CHRM5: variants seen among roughly 807,000 people sequenced by gnomAD.
The protein encoded by CHRM5 is cholinergic receptor muscarinic 5, also known as muscarinic acetylcholine receptor M5.
Under a neutral mutation model 39.0 loss-of-function variants are expected in CHRM5, and 18 were observed. The ratio of observed to expected loss-of-function variants is 0.46; its 90% CI spans 0.32 to 0.68. The LOEUF (loss-of-function observed/expected upper bound fraction) is 0.68, where lower values mean the gene tolerates loss of function less well. Among genes scored for constraint, CHRM5 ranks in the 30% least tolerant of loss-of-function variants. The pLI, the probability that CHRM5 is intolerant of heterozygous loss-of-function variation, is 0.04. For synonymous variants in CHRM5, 241 were observed against 246.3 expected, an observed-to-expected ratio of 0.98 and a Z score of 0.20; for missense variants, 515 against 651.1, an observed-to-expected ratio of 0.79 and a Z score of 2.28.
intron 1 of CHRM5, among the ~76,000 whole-genome samples, chr15:33,978,402 G>C (rs1462386229): frequency 6.6e-6 from 1 of 152,168 alleles, no homozygotes; most frequent in African/African-American, 2.4e-5. Context: ...GATGGCTCAC[G>C]CCTGTAATCC....
chr15:33,989,593 T>C (rs1896630868), intron 1 of CHRM5, among the ~76,000 whole-genome samples: 1 of 152,110 alleles, frequency 6.6e-6, no homozygotes. Context: ...CCTACCACAA[T>C]ACTAACACTA....
At chr15:34,008,952 G>A (rs11631888) in intron 1 of CHRM5, among the ~76,000 whole-genome samples, 13,202 of 95,432 alleles carry the variant, frequency 0.14, 665 homozygotes, top group South Asian at 0.27. Context: ...ACGTGCGCGC[G>A]CGCACACACA....
Position 34,053,891 on chromosome 15 carries a change from A to G in CHRM5, c.-76+7020A>G, listed in dbSNP as rs531055016. 1.3e-3 allele frequency among the ~76,000 whole-genome samples: 197 copies of G among 152,306 alleles called. 1 individual carries two copies. Among genetic ancestry groups the G allele is most frequent in the African/African-American group, 4.6e-3 (192 of 41,566 alleles). On this transcript the variant is annotated intron_variant, in intron 2 of 2. Transcript: ENST00000383263. Reference sequence around the variant, plus strand: ...GAAACTATCATCAGAGTGAATAGACAACTTACAGAATGGGAGAAAAATTTT... The same window carrying G: ...GAAACTATCATCAGAGTGAATAGACGACTTACAGAATGGGAGAAAAATTTT...
At position 34,044,213 on chromosome 15, in the gene CHRM5, CCTT is replaced by C. The variant is rs778820389; in HGVS notation, c.-407-2324_-407-2322del. 3.9e-4 allele frequency among the ~76,000 whole-genome samples: 59 copies of C among 152,170 alleles called. 1 individual carries two copies. Among genetic ancestry groups the C allele is most frequent in the Non-Finnish European group, 1.2e-4 (8 of 68,036 alleles). On this transcript the variant is annotated intron_variant, in intron 1 of 2. Transcript: ENST00000383263. ...CATCTATAGCACTGTCTCCAATTCTCCTTCTCCCATTCGCTATTTTATCCACTC... is the reference window on the plus strand; with the variant it reads ...CATCTATAGCACTGTCTCCAATTCTCCTCCCATTCGCTATTTTATCCACTC...
chr15:34,033,862 A>C (rs1363949358), intron 1 of CHRM5, among the ~76,000 whole-genome samples: 8 of 152,146 alleles, frequency 5.3e-5, no homozygotes, highest in African/African-American at 9.6e-5. Flanking sequence ...ATTTCGGCTC[A>C]CTGCAACCTC....
At position 33,982,953 on chromosome 15, in the gene CHRM5, A is replaced by T. The variant is rs569019474; in HGVS notation, c.-408+13803A>T. The stretch of plus-strand genomic sequence containing the variant: ...ACTGGGACATGCCTCCTTCCTACCC[A>T]TCAACTCCTGTTGGGATAATTTTTG... On this transcript the variant is annotated intron_variant, in intron 1 of 2. Coordinates refer to ENST00000383263, the MANE Select transcript of CHRM5 (RefSeq NM_012125.4). Among the ~76,000 whole-genome samples, 4 of 151,934 alleles carry T rather than the reference A, an allele frequency of 2.6e-5. 1 individual carries two copies. In the South Asian group the frequency reaches 8.4e-4, roughly 32 times the overall value.
intron 1 of CHRM5, among the ~76,000 whole-genome samples, chr15:33,986,398 C>T (rs578016843): frequency 2.2e-4 from 34 of 152,076 alleles, no homozygotes; most frequent in African/African-American, 7.7e-4. Flanking sequence ...CGTAAGCCAC[C>T]GCGCCCGGCC....
chr15:33,975,741 C>T (rs1162557368), intron 1 of CHRM5, among the ~76,000 whole-genome samples: 1 of 152,072 alleles, frequency 6.6e-6, no homozygotes, highest in Non-Finnish European at 1.5e-5. Flanking sequence ...ACCAGCCTGA[C>T]CAACATGGTG....
intron 1 of CHRM5, among the ~76,000 whole-genome samples, chr15:34,045,336 C>G (rs964979959): frequency 3.3e-5 from 5 of 152,124 alleles, no homozygotes; most frequent in African/African-American, 1.2e-4. Context: ...TTCTTAATCA[C>G]CACCTTATCT....
intron 1 of CHRM5, among the ~76,000 whole-genome samples, chr15:33,974,867 GA>G (rs1346204747): frequency 6.6e-6 from 1 of 152,160 alleles, no homozygotes; most frequent in African/African-American, 2.4e-5. Flanking sequence ...CCGCTACTTG[GA>G]GGCTGGGGCC....
At chr15:33,992,459 T>G (rs985106572) in intron 1 of CHRM5, among the ~76,000 whole-genome samples, 4 of 152,252 alleles carry the variant, frequency 2.6e-5, no homozygotes, top group African/African-American at 9.6e-5. Flanking sequence ...AAAGTTTTTT[T>G]GTTATCGGAG....
chr15:33,982,778 C>G (rs560911790), intron 1 of CHRM5, among the ~76,000 whole-genome samples: 41 of 146,570 alleles, frequency 2.8e-4, no homozygotes, highest in Non-Finnish European at 4.7e-4. Flanking sequence ...CCTTATGAAT[C>G]GAAAAACACA....
chr15:34,017,428 A>AT (rs1415786375), intron 1 of CHRM5, among the ~76,000 whole-genome samples: 3 of 150,350 alleles, frequency 2.0e-5, no homozygotes, highest in Non-Finnish European at 2.9e-5. Context: ...ATAACTACCC[A>AT]TTCTCGTAAG....
intron 2 of CHRM5, among the ~76,000 whole-genome samples, chr15:34,054,590 C>G (rs1201251983): frequency 6.6e-6 from 1 of 152,152 alleles, no homozygotes; most frequent in Non-Finnish European, 1.5e-5. Flanking sequence ...AAAACGAAAA[C>G]TAAACACCGC....
chr15:34,061,489 T>C (rs1015078412), intron 2 of CHRM5, among the ~76,000 whole-genome samples: 4 of 152,210 alleles, frequency 2.6e-5, no homozygotes, highest in African/African-American at 4.8e-5. Context: ...AAATAATTAT[T>C]AGTATATGCA....
At position 33,996,112 on chromosome 15, in the gene CHRM5, C is replaced by A. The variant is rs145973059; in HGVS notation, c.-408+26962C>A. Among the ~76,000 whole-genome samples the A allele has an allele frequency of 3.3e-4, 51 of 152,368 alleles. No homozygotes were observed. The East Asian group carries it at 9.3e-3, about 28-fold the overall frequency. ...AGTCTGAGATAGACCTGTGAGGCAG[C>A]AGCCTGGCAGGGGGAGGGGCGTCTG... On this transcript the variant is annotated intron_variant, in intron 1 of 2. Coordinates refer to ENST00000383263, the MANE Select transcript of CHRM5 (RefSeq NM_012125.4).
chr15:33,986,444 G>A (rs1420107355), intron 1 of CHRM5, among the ~76,000 whole-genome samples: 1 of 151,756 alleles, frequency 6.6e-6, no homozygotes, highest in East Asian at 1.9e-4. Context: ...ATAAACACAA[G>A]GCAGAAGACT....
At chr15:34,048,288 C>G (rs1322922431) in intron 2 of CHRM5, among the ~76,000 whole-genome samples, 18 of 152,160 alleles carry the variant, frequency 1.2e-4, no homozygotes. Flanking sequence ...CTGATCTTTC[C>G]CTGGGATGGA....
chr15:34,057,692 G>C (rs760455776), intron 2 of CHRM5, among the ~76,000 whole-genome samples: 5 of 152,194 alleles, frequency 3.3e-5, no homozygotes, highest in African/African-American at 4.8e-5. Context: ...AGCTACGTGG[G>C]AGGCTGAGGC....
Sources: allele counts gnomAD v4.1 joint callset (sites outside exome capture counted in the v4.1 genomes callset), GRCh38; gene constraint gnomAD v4.1.1; transcripts MANE v1.5; gene names NCBI Gene and HGNC (gene_info 2026-07-23, HGNC 2026-07-21).